Variants in ANO10 observed in about 807,000 individuals in gnomAD.
The protein encoded by ANO10 is anoctamin 10, also known as anoctamin-10.
ANO10 carries 77 observed loss-of-function variants against 74.7 expected under a neutral mutation model. The ratio of observed to expected loss-of-function variants is 1.03; its 90% CI spans 0.86 to 1.25. The LOEUF is 1.25. Among genes scored for constraint, ANO10 ranks in the 50% most tolerant of loss-of-function variants. The pLI, the probability that ANO10 is intolerant of heterozygous loss-of-function variation, is 0.00. For synonymous variants in ANO10, 279 were observed against 284.9 expected (o/e 0.98, Z 0.21); for missense variants, 721 against 778.1 (o/e 0.93, Z 0.87).
intron 11 of ANO10, among the ~76,000 whole-genome samples, chr3:43,545,721 G>C (rs1019858207): frequency 6.6e-6 from 1 of 151,596 alleles, no homozygotes; most frequent in Non-Finnish European, 1.5e-5. Context: ...GCTTTATAGA[G>C]GTATAACTGA....
intron 11 of ANO10, among the ~76,000 whole-genome samples, chr3:43,433,824 G>A (rs547062040): frequency 1.3e-5 from 2 of 152,110 alleles, no homozygotes; most frequent in African/African-American, 4.8e-5. Flanking sequence ...GTGATCAAAG[G>A]ATAAAGCTGC....
At chr3:43,440,194 T>C (rs2093138473) in intron 11 of ANO10, among the ~76,000 whole-genome samples, 1 of 152,112 alleles carries the variant, frequency 6.6e-6, no homozygotes, top group African/African-American at 2.4e-5. Context: ...GTAAGTCTGC[T>C]CTATCAGTAA....
intron 1 of ANO10, among the ~76,000 whole-genome samples, chr3:43,612,149 TATATATA>T (rs2082858924): frequency 1.2e-5 from 1 of 81,928 alleles, no homozygotes; most frequent in African/African-American, 8.7e-5. Flanking sequence ...TTTATATATA[TATATATA>T]TATATATATA....
At chr3:43,407,440 C>T (rs1432873827) in intron 12 of ANO10, among the ~76,000 whole-genome samples, 1 of 152,176 alleles carries the variant, frequency 6.6e-6, no homozygotes, top group Non-Finnish European at 1.5e-5. Context: ...CTCTCCCTAA[C>T]CTGCACTTCT....
chr3:43,423,232 C>G (rs1318848251), intron 12 of ANO10, among the ~76,000 whole-genome samples: 2 of 152,164 alleles, frequency 1.3e-5, no homozygotes, highest in African/African-American at 4.8e-5. Context: ...CAGAAAGGCA[C>G]ATGACCTGTT....
intron 12 of ANO10, among the ~76,000 whole-genome samples, chr3:43,395,885 T>C (rs892515663): frequency 4.6e-5 from 7 of 152,152 alleles, no homozygotes; most frequent in East Asian, 3.8e-4. Flanking sequence ...TTTTGGGCCA[T>C]ATAGTCTCTG....
intron 1 of ANO10, among the ~76,000 whole-genome samples, chr3:43,620,620 A>C (rs999519353): frequency 1.3e-5 from 2 of 152,110 alleles, no homozygotes; most frequent in African/African-American, 2.4e-5. Flanking sequence ...TCTACTAAAA[A>C]CACAAAAATT....
chr3:43,521,340 ATGC>A (rs901566334), intron 11 of ANO10, among the ~76,000 whole-genome samples: 28 of 152,200 alleles, frequency 1.8e-4, no homozygotes, highest in African/African-American at 6.3e-4. Flanking sequence ...AAATTTTAAA[ATGC>A]TGCTGTCAAG....
chr3:43,613,726 T>G (rs1247273157), intron 1 of ANO10, among the ~76,000 whole-genome samples: 1 of 152,144 alleles, frequency 6.6e-6, no homozygotes, highest in East Asian at 1.9e-4. Context: ...AGAGGCTGAG[T>G]TCATCACCTT....
chr3:43,426,778 AAG>A (rs1173180904), intron 12 of ANO10, among the ~76,000 whole-genome samples: 1 of 152,254 alleles, frequency 6.6e-6, no homozygotes, highest in African/African-American at 2.4e-5. Context: ...ATTCTTTGTA[AAG>A]GTTTCAGCCA....
intron 1 of ANO10, among the ~76,000 whole-genome samples, chr3:43,645,699 A>AC (rs1425722409): frequency 6.6e-6 from 1 of 151,746 alleles, no homozygotes; most frequent in Non-Finnish European, 1.5e-5. Flanking sequence ...TGCTCCCATT[A>AC]CTCCCAGTCA....
At chr3:43,538,189 C>T (rs1353951272) in intron 11 of ANO10, among the ~76,000 whole-genome samples, 1 of 152,020 alleles carries the variant, frequency 6.6e-6, no homozygotes, top group African/African-American at 2.4e-5. Context: ...TGAAATTTGA[C>T]GTAGCATACT....
chr3:43,467,952 G>C (rs1286062139), intron 11 of ANO10, among the ~76,000 whole-genome samples: 1 of 152,146 alleles, frequency 6.6e-6, no homozygotes, highest in Non-Finnish European at 1.5e-5. Flanking sequence ...GAAAAACACT[G>C]ACACTTTATT....
intron 1 of ANO10, among the ~76,000 whole-genome samples, chr3:43,657,487 G>T (rs1454136637): frequency 6.6e-6 from 1 of 152,154 alleles, no homozygotes; most frequent in East Asian, 1.9e-4. Flanking sequence ...TAAATCGTTG[G>T]ATTGCATCTT....
chr3:43,599,676 C>A (rs1040583043), intron 3 of ANO10, among the ~76,000 whole-genome samples: 16 of 152,024 alleles, frequency 1.1e-4, no homozygotes, highest in African/African-American at 3.9e-4. Context: ...GAGGCCGAGG[C>A]AGGCAGAACA....
intron 11 of ANO10, among the ~76,000 whole-genome samples, chr3:43,481,159 AG>A (rs1433408395): frequency 6.6e-6 from 1 of 152,128 alleles, no homozygotes; most frequent in Non-Finnish European, 1.5e-5. Flanking sequence ...CAGCAGAAAA[AG>A]GGCTAAAAAT....
intron 11 of ANO10, among the ~76,000 whole-genome samples, chr3:43,510,431 C>CAAA (rs58246025): frequency 1.4e-3 from 190 of 131,142 alleles, no homozygotes; most frequent in African/African-American, 4.6e-3. Flanking sequence ...AACTCTGTCT[C>CAAA]AAAAAAAAAA....
chr3:43,427,500 G>A (rs2092916258), intron 12 of ANO10, among the ~76,000 whole-genome samples: 1 of 152,142 alleles, frequency 6.6e-6, no homozygotes, highest in Non-Finnish European at 1.5e-5. Context: ...TTGAAAAGTA[G>A]CAATTAAGGT....
At chr3:43,453,639 T>C (rs1258505713) in intron 11 of ANO10, among the ~76,000 whole-genome samples, 1 of 152,214 alleles carries the variant, frequency 6.6e-6, no homozygotes, top group African/African-American at 2.4e-5. Context: ...TTTTTGCATA[T>C]AGTGTGGGGT....
Sources: gnomAD v4.1 joint callset for allele counts (sites outside exome capture counted in the v4.1 genomes callset) on GRCh38, gnomAD v4.1.1 for gene constraint, MANE v1.5 for transcripts, NCBI Gene and HGNC (gene_info 2026-07-23, HGNC 2026-07-21) for gene names.